Variants in DLC1 observed in about 807,000 individuals in gnomAD.
DLC1 encodes rho GTPase-activating protein 7.
Under a neutral mutation model 140.3 loss-of-function variants are expected in DLC1, and 54 were observed. The observed-to-expected ratio is 0.38, with a 90% CI of 0.31 to 0.48. DLC1 has a LOEUF of 0.48. Among genes scored for constraint, DLC1 ranks in the 20% least tolerant of loss-of-function variants. The pLI is 0.96. For synonymous variants in DLC1, 986 were observed against 728.1 expected (o/e 1.35, Z -5.70); for missense variants, 2,536 against 1,907.0 (o/e 1.33, Z -6.14).
chr8:13,224,764 A>C (rs372254083), intron 5 of DLC1, among the ~76,000 whole-genome samples: 1 of 152,192 alleles, frequency 6.6e-6, no homozygotes, highest in African/African-American at 2.4e-5. Flanking sequence ...AGTGTCTACA[A>C]GAGTGAGCGC....
intron 5 of DLC1, among the ~76,000 whole-genome samples, chr8:13,151,174 A>G (rs1012922530): frequency 2.6e-5 from 4 of 152,326 alleles, no homozygotes; most frequent in Non-Finnish European, 4.4e-5. Context: ...TCGAAAACAT[A>G]AAACATATGA....
chr8:13,261,797 G>A (rs1052220090), intron 5 of DLC1, among the ~76,000 whole-genome samples: 3 of 152,160 alleles, frequency 2.0e-5, no homozygotes, highest in Non-Finnish European at 4.4e-5. Context: ...AAGACAAAAA[G>A]CTCAATTTTT....
intron 5 of DLC1, among the ~76,000 whole-genome samples, chr8:13,163,459 G>T (rs1234080492): frequency 6.6e-6 from 1 of 152,114 alleles, no homozygotes; most frequent in Non-Finnish European, 1.5e-5. Flanking sequence ...AGAATAAGTG[G>T]TTCCTCCAAA....
At chr8:13,482,862 G>A (rs1466277620) in intron 2 of DLC1, among the ~76,000 whole-genome samples, 1 of 152,178 alleles carries the variant, frequency 6.6e-6, no homozygotes, top group African/African-American at 2.4e-5. Flanking sequence ...GGAGAGAATG[G>A]TGACTAAGTA....
chr8:13,095,034 G>A (rs1235832304), intron 11 of DLC1, 52 bp downstream of exon 11: 4 of 1,613,326 alleles, frequency 2.5e-6, no homozygotes, highest in Non-Finnish European at 3.4e-6. Flanking sequence ...AGAAGAAGCT[G>A]CATGTAATCC....
At chr8:13,430,023 C>G (rs1052108220) in intron 2 of DLC1, among the ~76,000 whole-genome samples, 5 of 152,080 alleles carry the variant, frequency 3.3e-5, no homozygotes, top group African/African-American at 1.2e-4. Flanking sequence ...TTAAGAAATC[C>G]TTTTAAAAAA....
At chr8:13,376,181 C>T (rs1835975386) in intron 4 of DLC1, among the ~76,000 whole-genome samples, 1 of 152,160 alleles carries the variant, frequency 6.6e-6, no homozygotes, top group Non-Finnish European at 1.5e-5. Flanking sequence ...TGTGTATTGG[C>T]TCCCATTTTC....
At chr8:13,305,608 C>T (rs1310932921) in intron 4 of DLC1, among the ~76,000 whole-genome samples, 1 of 152,174 alleles carries the variant, frequency 6.6e-6, no homozygotes, top group East Asian at 1.9e-4. Flanking sequence ...GAGGCAGAGA[C>T]AGGCGGATCG....
chr8:13,589,754 A>G (rs1391787161), intron 1 of DLC1, among the ~76,000 whole-genome samples: 1 of 151,600 alleles, frequency 6.6e-6, no homozygotes, highest in African/African-American at 2.4e-5. Context: ...CTTTTTTCCA[A>G]CAGAGATTGT....
intron 2 of DLC1, among the ~76,000 whole-genome samples, chr8:13,479,714 A>T (rs1243132908): frequency 6.7e-6 from 1 of 149,512 alleles, no homozygotes; most frequent in African/African-American, 2.4e-5. Flanking sequence ...CTGAGGCAGG[A>T]GGATTGCTTG....
At chr8:13,364,300 CT>C (rs34178675) in intron 4 of DLC1, among the ~76,000 whole-genome samples, 63,963 of 141,654 alleles carry the variant, frequency 0.45, 14,613 homozygotes, top group East Asian at 0.74. Context: ...GGTAATGAAA[CT>C]TTTTTTTTTT....
In DLC1 at chr8:13,088,197, G is replaced by T. The variant is rs7002004; in HGVS notation, c.4292+290C>A. 4.7e-3 allele frequency among the ~76,000 whole-genome samples: 715 copies of T among 152,078 alleles called. 14 individuals are homozygous for T. Among genetic ancestry groups the T allele is most frequent in the East Asian group, 0.046 (236 of 5,164 alleles). On this transcript the variant is annotated intron_variant, in intron 16 of 17. Coordinates refer to ENST00000276297, the MANE Select transcript of DLC1 (RefSeq NM_182643.3). Reference sequence around the variant, plus strand: ...CTGGCTCAAGGGATCCTCCTGCCTCGGCCTCCCGAGTAGCTAGGACTACAG... The same window carrying T: ...CTGGCTCAAGGGATCCTCCTGCCTCTGCCTCCCGAGTAGCTAGGACTACAG...
intron 5 of DLC1, among the ~76,000 whole-genome samples, chr8:13,204,862 C>T (rs532132351): frequency 6.6e-4 from 100 of 152,270 alleles, no homozygotes; most frequent in African/African-American, 2.3e-3. Context: ...CAGATTCCTG[C>T]ATTGCCTTTA....
chr8:13,533,208 C>T (rs1204495204), intron 1 of DLC1, among the ~76,000 whole-genome samples: 1 of 151,294 alleles, frequency 6.6e-6, no homozygotes, highest in Non-Finnish European at 1.5e-5. Context: ...CAAAATATAA[C>T]CACGAACAAT....
At chr8:13,141,507 C>A (rs1277323797) in intron 5 of DLC1, among the ~76,000 whole-genome samples, 3 of 152,158 alleles carry the variant, frequency 2.0e-5, no homozygotes, top group African/African-American at 7.2e-5. Flanking sequence ...AATGGACTCA[C>A]TCATGAGTTT....
At chr8:13,135,342 A>C (rs1226176169) in intron 5 of DLC1, among the ~76,000 whole-genome samples, 2 of 151,062 alleles carry the variant, frequency 1.3e-5, no homozygotes, top group East Asian at 2.0e-4. Flanking sequence ...CACCACACCC[A>C]GCTAATTTTT....
At chr8:13,273,574 A>G (rs1018879741) in intron 5 of DLC1, among the ~76,000 whole-genome samples, 1 of 152,204 alleles carries the variant, frequency 6.6e-6, no homozygotes, top group African/African-American at 2.4e-5. Context: ...AAGGCTGCAG[A>G]TGCTTAAAAA....
chr8:13,281,110 C>A lies in DLC1; in HGVS notation c.1348+24159G>T, dbSNP rs558426682. ...AAATGGTTTCTGTTCATTGTGATAACTGGCATCTAGCGTGTATGTTATATG... is the reference window on the plus strand; with the variant it reads ...AAATGGTTTCTGTTCATTGTGATAAATGGCATCTAGCGTGTATGTTATATG... On this transcript the variant is annotated intron_variant, in intron 5 of 17. Coordinates refer to ENST00000276297, the MANE Select transcript of DLC1 (RefSeq NM_182643.3). Among the ~76,000 whole-genome samples, 3 of 152,338 alleles carry A rather than the reference C, an allele frequency of 2.0e-5. No homozygotes were observed. In the South Asian group the frequency reaches 6.2e-4, roughly 32 times the overall value.
chr8:13,536,288 A>T (rs1357576107), intron 1 of DLC1, among the ~76,000 whole-genome samples: 2 of 152,210 alleles, frequency 1.3e-5, no homozygotes, highest in African/African-American at 4.8e-5. Flanking sequence ...ACACTATGAA[A>T]GGTGACAAGG....
Sources: gnomAD v4.1 joint callset for allele counts (sites outside exome capture counted in the v4.1 genomes callset) on GRCh38, gnomAD v4.1.1 for gene constraint, MANE v1.5 for transcripts, NCBI Gene and HGNC (gene_info 2026-07-23, HGNC 2026-07-21) for gene names.